The following C8orf34 variants were observed in gnomAD, a reference collection of about 807,000 sequenced individuals.
C8orf34 encodes chromosome 8 open reading frame 34.
A neutral mutation model predicts 68.3 loss-of-function variants in C8orf34; 65 were observed. The observed-to-expected ratio is 0.95, with a 90% confidence interval of 0.78 to 1.17. C8orf34 has a LOEUF of 1.17. C8orf34 is among the 50% of genes most tolerant of loss of function. The pLI, the probability that C8orf34 is intolerant of heterozygous loss-of-function variation, is 0.00. For missense variants in C8orf34, 664 were observed against 655.4 expected (o/e 1.01, Z -0.14); for synonymous variants, 244 against 241.2 (o/e 1.01, Z -0.11).
chr8:68,409,526 G>T (rs1424498327), intron 1 of C8orf34, among the ~76,000 whole-genome samples: 2 of 152,156 alleles, frequency 1.3e-5, no homozygotes, highest in Non-Finnish European at 2.9e-5. Context: ...TTTTTGTACA[G>T]CTCTACAATC....
chr8:68,543,449 T>C (rs1815764980), intron 7 of C8orf34, among the ~76,000 whole-genome samples: 1 of 152,198 alleles, frequency 6.6e-6, no homozygotes, highest in Non-Finnish European at 1.5e-5. Flanking sequence ...CTTTTGCATA[T>C]AGTGCGTGTA....
intron 1 of C8orf34, among the ~76,000 whole-genome samples, chr8:68,335,457 A>T (rs186733039): frequency 1.3e-5 from 2 of 152,292 alleles, no homozygotes. Context: ...CTTTTCCTAT[A>T]TCAAAATTTG....
At chr8:68,454,427 C>A (rs919478081) in intron 3 of C8orf34, among the ~76,000 whole-genome samples, 1 of 151,910 alleles carries the variant, frequency 6.6e-6, no homozygotes, top group Non-Finnish European at 1.5e-5. Flanking sequence ...TCTTTATTAC[C>A]GAGTCAAAAT....
chr8:68,519,391 G>A (rs1163680667), intron 5 of C8orf34, among the ~76,000 whole-genome samples: 3 of 152,104 alleles, frequency 2.0e-5, no homozygotes, highest in Non-Finnish European at 4.4e-5. Flanking sequence ...AGACCTCATA[G>A]CTCACTAAGA....
intron 7 of C8orf34, among the ~76,000 whole-genome samples, chr8:68,588,683 T>G (rs1165356564): frequency 2.0e-5 from 3 of 152,182 alleles, no homozygotes; most frequent in African/African-American, 7.2e-5. Flanking sequence ...TAGGTCTTCA[T>G]GCATTTGAAG....
At chr8:68,590,540 A>G (rs1210358544) in intron 7 of C8orf34, among the ~76,000 whole-genome samples, 3 of 152,074 alleles carry the variant, frequency 2.0e-5, no homozygotes, top group African/African-American at 4.8e-5. Context: ...AGGAGAAGAG[A>G]GTGGGTAGAC....
intron 7 of C8orf34, among the ~76,000 whole-genome samples, chr8:68,552,402 T>C (rs1304034456): frequency 6.6e-6 from 1 of 152,196 alleles, no homozygotes; most frequent in East Asian, 1.9e-4. Context: ...GTACAAATTT[T>C]ATACTTCCTT....
chr8:68,651,162 A>G (rs879386001), intron 8 of C8orf34, among the ~76,000 whole-genome samples: 1 of 152,166 alleles, frequency 6.6e-6, no homozygotes, highest in Non-Finnish European at 1.5e-5. Context: ...CTATGTGTTT[A>G]CTTTATCTAC....
intron 3 of C8orf34, chr8:68,446,712 T>C (rs1811140365): frequency 2.2e-6 from 1 of 457,838 alleles, no homozygotes. Flanking sequence ...GAATATAAAC[T>C]GCATGGAGCG....
At chr8:68,652,622 T>TGCATGATA (rs1444101088) in intron 8 of C8orf34, among the ~76,000 whole-genome samples, 4 of 152,336 alleles carry the variant, frequency 2.6e-5, no homozygotes, top group African/African-American at 9.6e-5. Context: ...TTCATTCTTT[T>TGCATGATA]GCATGATATC....
intron 1 of C8orf34, among the ~76,000 whole-genome samples, chr8:68,396,310 G>A (rs1808704466): frequency 6.6e-6 from 1 of 151,860 alleles, no homozygotes; most frequent in Non-Finnish European, 1.5e-5. Context: ...TTTTAATGAG[G>A]AATTAATTAT....
At chr8:68,367,791 C>G (rs1263316479) in intron 1 of C8orf34, among the ~76,000 whole-genome samples, 2 of 139,122 alleles carry the variant, frequency 1.4e-5, no homozygotes, top group Non-Finnish European at 3.1e-5. Context: ...GGAGATATAC[C>G]TAATGCTAGA....
chr8:68,590,838 C>T (rs1377952528), intron 7 of C8orf34, among the ~76,000 whole-genome samples: 1 of 152,072 alleles, frequency 6.6e-6, no homozygotes, highest in Non-Finnish European at 1.5e-5. Context: ...CCCTGGCCAG[C>T]GATATCAGGG....
chr8:68,593,338 T>C, intron 7 of C8orf34, among the ~76,000 whole-genome samples: 1 of 152,120 alleles, frequency 6.6e-6, no homozygotes, highest in Middle Eastern at 3.2e-3. Flanking sequence ...ATTGTACATT[T>C]GACACTGTTT....
chr8:68,776,127 G>A (rs1223747643), intron 10 of C8orf34, among the ~76,000 whole-genome samples: 1 of 152,158 alleles, frequency 6.6e-6, no homozygotes, highest in African/African-American at 2.4e-5. Flanking sequence ...TAACAAACCT[G>A]CACGTCCTGC....
At chr8:68,488,097 CT>C in intron 5 of C8orf34, 46 bp downstream of exon 5, 2 of 1,343,550 alleles carry the variant, frequency 1.5e-6, no homozygotes, top group Non-Finnish European at 2.1e-6. Flanking sequence ...TAGAACTTAC[CT>C]TTTATTCCAC....
intron 1 of C8orf34, among the ~76,000 whole-genome samples, chr8:68,354,512 T>A (rs947330660): frequency 1.3e-5 from 2 of 152,116 alleles, no homozygotes; most frequent in African/African-American, 4.8e-5. Flanking sequence ...CAGCTGAGAA[T>A]ATTTTTATTT....
intron 12 of C8orf34, chr8:68,790,877 A>G: frequency 1.4e-6 from 1 of 701,326 alleles, no homozygotes; most frequent in Non-Finnish European, 2.6e-6. Flanking sequence ...TACTTTGGTA[A>G]TATTTGCTTA....
At chr8:68,755,607 C>G (rs1276264948) in intron 10 of C8orf34, among the ~76,000 whole-genome samples, 2 of 152,136 alleles carry the variant, frequency 1.3e-5, no homozygotes, top group Non-Finnish European at 2.9e-5. Context: ...CACCAGGTCA[C>G]ATGGTGCTAC....
Sources: gnomAD v4.1 joint callset for allele counts (sites outside exome capture counted in the v4.1 genomes callset) on GRCh38, gnomAD v4.1.1 for gene constraint, MANE v1.5 for transcripts, NCBI Gene and HGNC (gene_info 2026-07-23, HGNC 2026-07-21) for gene names.